TENM2: variants seen among roughly 807,000 people sequenced by gnomAD.
The protein encoded by TENM2 is teneurin transmembrane protein 2, also known as teneurin-2.
TENM2 carries 52 observed loss-of-function variants against 245.2 expected under a neutral mutation model. The ratio of observed to expected loss-of-function variants is 0.21; its 90% CI spans 0.17 to 0.27. The LOEUF is 0.27. Ranked by LOEUF, TENM2 falls within the 10% of genes least tolerant of loss-of-function variation. The pLI is 1.00. For missense variants in TENM2, 3,046 were observed against 3,666.8 expected (o/e 0.83, Z 4.37); for synonymous variants, 1,363 against 1,438.9 (o/e 0.95, Z 1.19).
rs564031776 is a variant in TENM2 at position 167,539,412 on chromosome 5, T to A, written c.502+163939T>A. Reference sequence around the variant, plus strand: ...AATTAATGAAATTCAAATGTCTTTTTTTTAACCAGTAAAAGTGCTTATTGA... The same window carrying A: ...AATTAATGAAATTCAAATGTCTTTTATTTAACCAGTAAAAGTGCTTATTGA... On this transcript the variant is annotated intron_variant, in intron 2 of 28. Coordinates refer to ENST00000518659, the Ensembl canonical transcript of TENM2. 9.8e-5 allele frequency among the ~76,000 whole-genome samples: 15 copies of A among 152,330 alleles called. No individual in the cohort carries two copies. In the South Asian group the frequency reaches 2.9e-3, roughly 29 times the overall value.
chr5:167,691,997 C>T, intron 2 of TENM2, among the ~76,000 whole-genome samples: 1 of 152,114 alleles, frequency 6.6e-6, no homozygotes, highest in Non-Finnish European at 1.5e-5. Flanking sequence ...GGAGTACCTC[C>T]TTCTTGACCC....
chr5:168,196,772 G>A (rs997708268), intron 15 of TENM2, among the ~76,000 whole-genome samples: 1 of 152,178 alleles, frequency 6.6e-6, no homozygotes, highest in African/African-American at 2.4e-5. Context: ...CAGTGTTCTT[G>A]AAGAACTGAC....
chr5:167,114,639 A>G, the TENM2 span, among the ~76,000 whole-genome samples: 1 of 152,220 alleles, frequency 6.6e-6, no homozygotes, highest in Non-Finnish European at 1.5e-5. Context: ...AAAAAATTAA[A>G]TCTTTATTTG....
intron 2 of TENM2, among the ~76,000 whole-genome samples, chr5:167,513,538 A>C (rs1770112046): frequency 6.6e-6 from 1 of 152,154 alleles, no homozygotes; most frequent in Non-Finnish European, 1.5e-5. Flanking sequence ...TTATGTTTCT[A>C]AATGTTTGTT....
At chr5:167,733,134 C>T (rs1760553292) in intron 2 of TENM2, among the ~76,000 whole-genome samples, 1 of 152,164 alleles carries the variant, frequency 6.6e-6, no homozygotes, top group Admixed American at 6.5e-5. Flanking sequence ...AAGAGAAAGG[C>T]ATATTCCCAG....
intron 2 of TENM2, among the ~76,000 whole-genome samples, chr5:167,540,290 C>T (rs952361960): frequency 1.3e-5 from 2 of 152,144 alleles, no homozygotes; most frequent in Non-Finnish European, 2.9e-5. Context: ...TCCTGATTTG[C>T]AGACACTTAG....
intron 7 of TENM2, among the ~76,000 whole-genome samples, chr5:168,071,769 TCAAGGTGTTATAATAA>T (rs1488600593): frequency 2.0e-5 from 3 of 152,240 alleles, no homozygotes; most frequent in African/African-American, 7.2e-5. Flanking sequence ...TTACAATACA[TCAAGGTGTTATAATAA>T]CAATAATAAC....
chr5:167,509,473 G>A (rs972340436), intron 2 of TENM2, among the ~76,000 whole-genome samples: 21 of 152,130 alleles, frequency 1.4e-4, no homozygotes, highest in African/African-American at 5.1e-4. Flanking sequence ...AAATTTTAAG[G>A]TAGGTGCCTT....
At chr5:167,075,822 G>A in the TENM2 span, among the ~76,000 whole-genome samples, 5 of 152,138 alleles carry the variant, frequency 3.3e-5, no homozygotes, top group African/African-American at 1.2e-4. Context: ...CATTGAACCT[G>A]TTTTCAAGAA....
At position 168,000,571 on chromosome 5, in the gene TENM2, A is replaced by C. The variant is rs80003447; in HGVS notation, c.1186+7389A>C. ...AAGCATTCATTGAAATGGTAGATGC[A>C]TGCAACTCTTCTTCAAATCCAATGT... On this transcript the variant is annotated intron_variant, in intron 5 of 28. Coordinates refer to ENST00000518659, the Ensembl canonical transcript of TENM2. 2.7e-3 allele frequency among the ~76,000 whole-genome samples: 410 copies of C among 152,376 alleles called. 1 individual carries two copies. Among genetic ancestry groups the C allele is most frequent in the African/African-American group, 9.4e-3 (392 of 41,592 alleles).
intron 2 of TENM2, among the ~76,000 whole-genome samples, chr5:167,442,168 T>A (rs1764915332): frequency 6.6e-6 from 1 of 152,228 alleles, no homozygotes; most frequent in South Asian, 2.1e-4. Context: ...TAAATTTTTA[T>A]CATTCTTTGA....
chr5:167,845,521 C>T (rs1769966676), intron 2 of TENM2, among the ~76,000 whole-genome samples: 1 of 152,126 alleles, frequency 6.6e-6, no homozygotes, highest in East Asian at 1.9e-4. Context: ...TTACTTTGTA[C>T]AGACCCCTTT....
the TENM2 span, among the ~76,000 whole-genome samples, chr5:167,266,223 T>C: frequency 6.6e-6 from 1 of 152,202 alleles, no homozygotes; most frequent in Non-Finnish European, 1.5e-5. Flanking sequence ...TCCCCTGGAA[T>C]GAATTTTAAT....
At chr5:167,593,322 G>A (rs1282939989) in intron 2 of TENM2, among the ~76,000 whole-genome samples, 2 of 152,186 alleles carry the variant, frequency 1.3e-5, no homozygotes, top group Non-Finnish European at 2.9e-5. Context: ...GAAAACAATT[G>A]TTTTTCTAAA....
chr5:167,206,936 G>A, the TENM2 span, among the ~76,000 whole-genome samples: 3 of 151,924 alleles, frequency 2.0e-5, no homozygotes, highest in Non-Finnish European at 2.9e-5. Flanking sequence ...ATGTAAACAC[G>A]TAAGGAAGAG....
At chr5:167,115,589 C>T in the TENM2 span, among the ~76,000 whole-genome samples, 4 of 152,266 alleles carry the variant, frequency 2.6e-5, no homozygotes, top group Non-Finnish European at 4.4e-5. Context: ...TCAAAAGCTA[C>T]GGTCAGTAGT....
intron 7 of TENM2, among the ~76,000 whole-genome samples, chr5:168,077,492 T>C (rs1011197808): frequency 3.3e-5 from 5 of 152,024 alleles, no homozygotes; most frequent in African/African-American, 1.2e-4. Context: ...GTTTGTTACA[T>C]AAGTATACAT....
chr5:167,529,042 T>C (rs750297015), intron 2 of TENM2, among the ~76,000 whole-genome samples: 7 of 152,284 alleles, frequency 4.6e-5, no homozygotes, highest in Middle Eastern at 3.4e-3. Context: ...TAAATCTATA[T>C]CTAATAATGG....
At chr5:168,205,317 G>GAA (rs74817019) in intron 19 of TENM2, among the ~76,000 whole-genome samples, 3 of 141,784 alleles carry the variant, frequency 2.1e-5, no homozygotes, top group South Asian at 2.2e-4. Flanking sequence ...TTTCTGGCTA[G>GAA]AAAAAAAAAA....
Sources: allele counts gnomAD v4.1 joint callset (sites outside exome capture counted in the v4.1 genomes callset), GRCh38; gene constraint gnomAD v4.1.1; transcripts MANE v1.5; gene names NCBI Gene and HGNC (gene_info 2026-07-23, HGNC 2026-07-21).